The following PDE1A variants were observed in gnomAD, a reference collection of about 807,000 sequenced individuals.
PDE1A encodes the protein phosphodiesterase 1A, also known as dual specificity calcium/calmodulin-dependent 3',5'-cyclic nucleotide phosphodiesterase 1A.
PDE1A carries 35 observed loss-of-function variants against 61.7 expected under a neutral mutation model. The observed-to-expected ratio is 0.57, with a 90% CI of 0.43 to 0.75. PDE1A has a LOEUF of 0.75. Among genes scored for constraint, PDE1A ranks in the 30% least tolerant of loss-of-function variants. The pLI, the probability that PDE1A is intolerant of heterozygous loss-of-function variation, is 0.00. For missense variants in PDE1A, 597 were observed against 630.6 expected (o/e 0.95, Z 0.57); for synonymous variants, 232 against 213.2 (o/e 1.09, Z -0.77).
At chr2:182,243,407 A>G (rs1356193292) in intron 2 of PDE1A, among the ~76,000 whole-genome samples, 1 of 152,196 alleles carries the variant, frequency 6.6e-6, no homozygotes, top group East Asian at 1.9e-4. Flanking sequence ...AGTCTGTTCT[A>G]TCTATTCCAG....
chr2:182,574,463 C>T, the PDE1A span, among the ~76,000 whole-genome samples: 1 of 152,122 alleles, frequency 6.6e-6, no homozygotes, highest in Non-Finnish European at 1.5e-5. Flanking sequence ...GTCATAATTA[C>T]ACCTCACATA....
intron 2 of PDE1A, among the ~76,000 whole-genome samples, chr2:182,517,440 T>C (rs985078583): frequency 6.6e-6 from 1 of 152,220 alleles, no homozygotes; most frequent in Admixed American, 6.5e-5. Flanking sequence ...ACAGCCAGTA[T>C]AAGATTCAGA....
At position 182,242,677 on chromosome 2, in the gene PDE1A, C is replaced by T. The variant is rs1690612419; in HGVS notation, c.168-2385G>A. ...AAGCCTCATCTAATCAGTTGAAAAC[C>T]TTAAGAAAGAAGATTAAGGTCCCCC... is the stretch of plus-strand genomic sequence containing the variant. On this transcript the variant is annotated intron_variant, in intron 2 of 13. Coordinates refer to ENST00000351439, the Ensembl canonical transcript of PDE1A. 2.0e-5 allele frequency among the ~76,000 whole-genome samples: 3 copies of T among 152,048 alleles called. No homozygotes were observed. The South Asian group carries it at 6.2e-4, about 32-fold the overall frequency.
At chr2:182,187,493 G>A (rs1685309617) in intron 11 of PDE1A, among the ~76,000 whole-genome samples, 1 of 152,144 alleles carries the variant, frequency 6.6e-6, no homozygotes, top group Admixed American at 6.6e-5. Flanking sequence ...CTGAATATAG[G>A]AGAATAGCTG....
chr2:182,248,842 C>T (rs988903072), intron 2 of PDE1A, among the ~76,000 whole-genome samples: 1 of 152,158 alleles, frequency 6.6e-6, no homozygotes, highest in Non-Finnish European at 1.5e-5. Context: ...TCCTTTCCTG[C>T]TTTACTATTC....
the PDE1A span, among the ~76,000 whole-genome samples, chr2:182,690,413 A>C: frequency 6.6e-6 from 1 of 152,220 alleles, no homozygotes; most frequent in Non-Finnish European, 1.5e-5. Context: ...ATGTAAATAG[A>C]ACCAGAGACA....
chr2:182,382,935 G>T (rs994150005), intron 1 of PDE1A, among the ~76,000 whole-genome samples: 1 of 152,154 alleles, frequency 6.6e-6, no homozygotes. Context: ...AAGAAATGGT[G>T]CTAGATAAAT....
At chr2:182,151,742 A>G (rs1316614234) in intron 13 of PDE1A, among the ~76,000 whole-genome samples, 2 of 152,204 alleles carry the variant, frequency 1.3e-5, no homozygotes, top group African/African-American at 4.8e-5. Flanking sequence ...GTATTTTTCT[A>G]ATACCTCAAA....
intron 4 of PDE1A, 86 bp from the exon 5 acceptor site, chr2:182,231,217 T>A: frequency 1.4e-6 from 1 of 727,442 alleles, no homozygotes; most frequent in East Asian, 2.5e-5. Flanking sequence ...ATTGTACATT[T>A]AGCAGGTCAT....
At chr2:182,495,478 T>G (rs1001109507) in intron 2 of PDE1A, among the ~76,000 whole-genome samples, 1 of 152,244 alleles carries the variant, frequency 6.6e-6, no homozygotes, top group African/African-American at 2.4e-5. Flanking sequence ...CAATCCCATT[T>G]TAACATGCTG....
the PDE1A span, among the ~76,000 whole-genome samples, chr2:182,548,271 T>C: frequency 1.3e-5 from 2 of 152,184 alleles, no homozygotes; most frequent in South Asian, 4.1e-4. Context: ...TTGCCTTTTT[T>C]CCCAAGACCT....
chr2:182,508,804 ATTTTT>A (rs1404105715), intron 2 of PDE1A, among the ~76,000 whole-genome samples: 1 of 103,622 alleles, frequency 9.7e-6, no homozygotes, highest in Non-Finnish European at 2.0e-5. Flanking sequence ...ATTTTATTTT[ATTTTT>A]TATTTTTTTT....
At chr2:182,305,504 A>T (rs1695521443) in intron 1 of PDE1A, among the ~76,000 whole-genome samples, 1 of 152,138 alleles carries the variant, frequency 6.6e-6, no homozygotes, top group Non-Finnish European at 1.5e-5. Context: ...AATTAATTCC[A>T]AGTTTTTTCA....
chr2:182,444,337 T>C (rs951465145), intron 2 of PDE1A, among the ~76,000 whole-genome samples: 1 of 152,166 alleles, frequency 6.6e-6, no homozygotes, highest in Non-Finnish European at 1.5e-5. Context: ...TAGATGTCCC[T>C]TCTTTGTGGC....
chr2:182,611,665 C>A, the PDE1A span, among the ~76,000 whole-genome samples: 48 of 151,836 alleles, frequency 3.2e-4, no homozygotes, highest in African/African-American at 9.9e-4. Flanking sequence ...AAAGACGGTG[C>A]TTTTACAGCA....
the PDE1A span, among the ~76,000 whole-genome samples, chr2:182,645,012 G>A: frequency 3.0e-5 from 4 of 133,728 alleles, no homozygotes; most frequent in Non-Finnish European, 6.2e-5. Context: ...TTGAGACTGA[G>A]TCTCGCTCTG....
At chr2:182,325,237 A>G (rs1294437898) in intron 1 of PDE1A, among the ~76,000 whole-genome samples, 4 of 152,342 alleles carry the variant, frequency 2.6e-5, no homozygotes, top group African/African-American at 7.2e-5. Context: ...TTAAAGTTAC[A>G]TAGATACTTT....
chr2:182,193,533 G>A (rs1326586864), intron 10 of PDE1A, among the ~76,000 whole-genome samples: 1 of 152,064 alleles, frequency 6.6e-6, no homozygotes, highest in Non-Finnish European at 1.5e-5. Context: ...TTGATTGGGA[G>A]AGGAGAGGAG....
chr2:182,526,788 C>A (rs916685370), upstream of PDE1A, among the ~76,000 whole-genome samples: 4 of 152,090 alleles, frequency 2.6e-5, no homozygotes, highest in Non-Finnish European at 4.4e-5. Context: ...ACAGATAAAT[C>A]TAGTCAAATA....
Sources: gnomAD v4.1 joint callset for allele counts (sites outside exome capture counted in the v4.1 genomes callset) on GRCh38, gnomAD v4.1.1 for gene constraint, MANE v1.5 for transcripts, NCBI Gene and HGNC (gene_info 2026-07-23, HGNC 2026-07-21) for gene names.